Variants in ZNF563 observed in about 807,000 individuals in gnomAD.
ZNF563 encodes the protein zinc finger protein 563.
In ZNF563, 39 loss-of-function variants were observed where a neutral mutation model predicts 48.5. That is an observed-to-expected ratio of 0.80 (90% CI 0.62 to 1.05). The LOEUF is 1.05. Ranked by LOEUF, ZNF563 falls within the 50% of genes least tolerant of loss-of-function variation. The pLI is 0.00. For missense variants in ZNF563, 538 were observed against 597.0 expected (o/e 0.90, Z 1.03); for synonymous variants, 168 against 187.9 (o/e 0.89, Z 0.87).
rs1449341174 is a variant in ZNF563 at position 12,319,024 on chromosome 19, T to A, written c.1001A>T (p.Asp334Val). The change falls in exon 4 of 4, where the codon GAT (aspartate) becomes GTT (valine). Residue 334 changes from aspartate to valine, a missense_variant. Asp to Val is a radical substitution (Grantham distance 152). Transcript: ENST00000293725. The stretch of plus-strand genomic sequence containing the variant: ...ACATATCTTACATTTATGAGGTCGA[T>A]CTCCAGTGTGCCTTTTCATGTGTAT... ...FQIHMKRHTG[D>V]RPHKCKICGK... The A allele has an allele frequency of 4.3e-6, 7 of 1,614,182 alleles. No individual in the cohort carries two copies. The highest frequency in any genetic ancestry group is 5.9e-6 in the Non-Finnish European group (7 of 1,180,038).
chr19:12,326,988 G>T (rs1968810566), intron 1 of ZNF563, among the ~76,000 whole-genome samples: 1 of 152,166 alleles, frequency 6.6e-6, no homozygotes, highest in Non-Finnish European at 1.5e-5. Flanking sequence ...GTTTCAAACA[G>T]TTTATTATAC....
chr19:12,340,058 G>A, the ZNF563 span, among the ~76,000 whole-genome samples: 2 of 152,224 alleles, frequency 1.3e-5, no homozygotes, highest in African/African-American at 4.8e-5. Flanking sequence ...AATGTGGCCA[G>A]GTGCGGTGGC....
At chr19:12,329,857 A>G (rs1968880653) in intron 1 of ZNF563, among the ~76,000 whole-genome samples, 1 of 152,206 alleles carries the variant, frequency 6.6e-6, no homozygotes, top group African/African-American at 2.4e-5. Context: ...AAATGATCCC[A>G]ATTCTCTACA....
intron 1 of ZNF563, among the ~76,000 whole-genome samples, chr19:12,325,950 G>GT (rs1968781545): frequency 6.6e-6 from 1 of 152,188 alleles, no homozygotes; most frequent in South Asian, 2.1e-4. Flanking sequence ...CAAATGAATA[G>GT]TTACAGCCTT....
intron 1 of ZNF563, among the ~76,000 whole-genome samples, chr19:12,328,881 A>G (rs910348662): frequency 1.3e-5 from 2 of 152,176 alleles, no homozygotes; most frequent in Admixed American, 1.3e-4. Flanking sequence ...AAAAGTGGAG[A>G]TTTAAGCCAC....
rs1968545290 is a variant in ZNF563, at chr19:12,319,502, C to T, written c.523G>A (p.Gly175Arg). The T allele has an allele frequency of 6.2e-7, 1 of 1,614,058 alleles. No individual in the cohort carries two copies. Among genetic ancestry groups the T allele is most frequent in the Non-Finnish European group, 8.5e-7 (1 of 1,180,034 alleles). The change falls in exon 4 of 4, where the codon GGA becomes AGA. Residue 175 changes from glycine to arginine, a missense_variant. Physicochemically the swap from Gly to Arg is moderately radical, Grantham distance 125. Coordinates refer to ENST00000293725, the MANE Select transcript of ZNF563 (RefSeq NM_145276.3). ...GKKRYECKECGKTFSSRRNLR... is the reference protein window; with the variant it reads ...GKKRYECKECRKTFSSRRNLR... ...TTTCTACGAGAACTGAAGGTTTTTC[C>T]ACATTCCTTACACTCATAGCGTTTC... is the stretch of plus-strand genomic sequence containing the variant.
upstream of ZNF563, chr19:12,333,656 G>T: frequency 1.1e-6 from 1 of 908,558 alleles, no homozygotes; most frequent in Non-Finnish European, 1.6e-6. Flanking sequence ...GAGCGCAGGG[G>T]CGTGAAGACG....
Position 12,333,567 on chromosome 19 carries a change from C to T in ZNF563, c.-85G>A. The T allele has an allele frequency of 1.3e-6, 2 of 1,561,480 alleles. No homozygotes were observed. Among genetic ancestry groups the T allele is most frequent in the Non-Finnish European group, 1.7e-6 (2 of 1,143,928 alleles). ...CCACTGTGACAGAGGCTGCCACAGA[C>T]GTTCCAGGGCGTCTCTCAGCGACTG... is the stretch of plus-strand genomic sequence containing the variant. On this transcript the variant is annotated 5_prime_UTR_variant, in exon 1 of 4. Transcript: ENST00000293725.
Position 12,333,537 on chromosome 19 carries a change from G to A in ZNF563, c.-55C>T. 6.2e-7 allele frequency: 1 copy of A among 1,610,238 alleles called. No individual in the cohort carries two copies. The highest frequency in any genetic ancestry group is 8.5e-7 in the Non-Finnish European group (1 of 1,177,932). On this transcript the variant is annotated 5_prime_UTR_variant, in exon 1 of 4. Coordinates refer to ENST00000293725, the MANE Select transcript of ZNF563 (RefSeq NM_145276.3). ...TCCCTCTGCCTCCCGCTGCCAGTGC[G>A]GGTCCCACTGTGACAGAGGCTGCCA...
chr19:12,336,546 C>T (rs1441163318), upstream of ZNF563, among the ~76,000 whole-genome samples: 1 of 152,144 alleles, frequency 6.6e-6, no homozygotes, highest in East Asian at 1.9e-4. Context: ...GAGCTAAGAT[C>T]GCACCATTGT....
chr19:12,318,697 T>C lies in ZNF563; in HGVS notation c.1328A>G (p.His443Arg). Residue 443 changes from histidine to arginine, a missense_variant, in exon 4 of 4, where the codon CAT (histidine) becomes CGT (arginine). Coordinates refer to ENST00000293725, the MANE Select transcript of ZNF563 (RefSeq NM_145276.3). ...SSSFRRHMVMHTGDGPNKCKV... is the reference protein window; with the variant it reads ...SSSFRRHMVMRTGDGPNKCKV... ...GCATTTATTCGGCCCATCTCCCGTA[T>C]GCATTACCATATGTCTTCGAAAGCT... The C allele has an allele frequency of 1.2e-6, 2 of 1,614,238 alleles. No homozygotes were observed. The highest frequency in any genetic ancestry group is 1.7e-6 in the Non-Finnish European group (2 of 1,180,042).
At chr19:12,335,813 C>T (rs554593710), upstream of ZNF563, among the ~76,000 whole-genome samples, 51 of 152,348 alleles carry the variant, frequency 3.3e-4, no homozygotes, top group Non-Finnish European at 5.3e-4. Context: ...CATTTCTACA[C>T]GGCTGTCCAT....
At chr19:12,320,847 T>C (rs1479568478) in intron 3 of ZNF563, among the ~76,000 whole-genome samples, 4 of 152,070 alleles carry the variant, frequency 2.6e-5, no homozygotes, top group Non-Finnish European at 5.9e-5. Context: ...TTTTTAAGAA[T>C]AAATAAATTT....
At chr19:12,334,868 C>CAAAAAAAAA (rs35412288), upstream of ZNF563, among the ~76,000 whole-genome samples, 1 of 45,016 alleles carries the variant, frequency 2.2e-5, no homozygotes, top group African/African-American at 8.7e-5. Context: ...GACCTGGTCT[C>CAAAAAAAAA]AAAAAAAAAA....
upstream of ZNF563, among the ~76,000 whole-genome samples, chr19:12,336,663 A>G (rs926209247): frequency 1.3e-5 from 2 of 152,204 alleles, no homozygotes; most frequent in Non-Finnish European, 2.9e-5. Context: ...CTAACAAACT[A>G]TTATTTTTAC....
chr19:12,344,986 T>C, the ZNF563 span, among the ~76,000 whole-genome samples: 1 of 150,902 alleles, frequency 6.6e-6, no homozygotes, highest in African/African-American at 2.5e-5. Flanking sequence ...ATTTTAGTTA[T>C]AAAAGCATCA....
At chr19:12,339,605 T>C in the ZNF563 span, among the ~76,000 whole-genome samples, 10 of 151,884 alleles carry the variant, frequency 6.6e-5, no homozygotes, top group South Asian at 4.2e-4. Context: ...TCTATCAAAA[T>C]AGCCACTCTA....
chr19:12,333,826 A>T (rs780163795), upstream of ZNF563: 9 of 344,938 alleles, frequency 2.6e-5, no homozygotes, highest in Non-Finnish European at 4.7e-5. Flanking sequence ...GTCGAGCGGG[A>T]TGAACGAGTT....
At chr19:12,342,263 C>T in the ZNF563 span, among the ~76,000 whole-genome samples, 1 of 152,078 alleles carries the variant, frequency 6.6e-6, no homozygotes, top group African/African-American at 2.4e-5. Context: ...AGCAATCCTC[C>T]TACCTGGGTG....
Sources: gnomAD v4.1 joint callset for allele counts (sites outside exome capture counted in the v4.1 genomes callset) on GRCh38, gnomAD v4.1.1 for gene constraint, MANE v1.5 for transcripts, NCBI Gene and HGNC (gene_info 2026-07-23, HGNC 2026-07-21) for gene names.